The following WDR17 variants were observed in gnomAD, a reference collection of about 807,000 sequenced individuals.
The protein encoded by WDR17 is WD repeat domain 17.
A neutral mutation model predicts 161.7 loss-of-function variants in WDR17; 143 were observed. The ratio of observed to expected loss-of-function variants is 0.88; its 90% CI spans 0.77 to 1.02. WDR17 has a LOEUF of 1.02. Ranked by LOEUF, WDR17 falls within the 50% of genes least tolerant of loss-of-function variation. The pLI is 0.00. For synonymous variants in WDR17, 517 were observed against 515.6 expected (o/e 1.00, Z -0.04); for missense variants, 1,469 against 1,520.9 (o/e 0.97, Z 0.57).
chr4:176,174,582 G>C, intron 25 of WDR17, 35 bp from the exon 26 acceptor site: 2 of 1,494,462 alleles, frequency 1.3e-6, no homozygotes, highest in Non-Finnish European at 1.8e-6. Flanking sequence ...GCCTCAAATT[G>C]TGGAATTTAT....
intron 4 of WDR17, among the ~76,000 whole-genome samples, chr4:176,121,519 G>A (rs189650879): frequency 1.3e-5 from 2 of 152,170 alleles, no homozygotes; most frequent in East Asian, 3.9e-4. Flanking sequence ...CATCAGGATT[G>A]TGACACTTTC....
intron 15 of WDR17, 59 bp from the exon 16 acceptor site, chr4:176,150,409 C>A: frequency 6.5e-7 from 1 of 1,543,774 alleles, no homozygotes; most frequent in Non-Finnish European, 8.7e-7. Context: ...TTTGAAGATG[C>A]AAAATATTAT....
At chr4:176,174,962 A>G (rs1751235865) in intron 26 of WDR17, among the ~76,000 whole-genome samples, 1 of 152,234 alleles carries the variant, frequency 6.6e-6, no homozygotes, top group Non-Finnish European at 1.5e-5. Context: ...GACACTTGAG[A>G]CAGGCTTTCT....
chr4:176,133,665 G>A (rs28620923), intron 7 of WDR17, among the ~76,000 whole-genome samples: 38,570 of 151,108 alleles, frequency 0.26, 5,076 homozygotes, highest in African/African-American at 0.3. Context: ...GAAATTTCTC[G>A]AAGTGTTACC....
intron 1 of WDR17, among the ~76,000 whole-genome samples, chr4:176,078,731 T>C (rs1734371961): frequency 6.6e-6 from 1 of 152,120 alleles, no homozygotes; most frequent in Non-Finnish European, 1.5e-5. Flanking sequence ...CATGGGCTTT[T>C]TGTCATTTTT....
chr4:176,085,905 T>C (rs1271844073), intron 1 of WDR17, among the ~76,000 whole-genome samples: 2 of 151,996 alleles, frequency 1.3e-5, no homozygotes, highest in African/African-American at 2.4e-5. Flanking sequence ...TCCTTTTCCT[T>C]TTCTACTAGA....
intron 2 of WDR17, among the ~76,000 whole-genome samples, chr4:176,115,492 A>G (rs977484803): frequency 6.6e-6 from 1 of 152,000 alleles, no homozygotes; most frequent in Non-Finnish European, 1.5e-5. Context: ...ATAAAAAGAT[A>G]TAGCTATGGA....
At position 176,149,971 on chromosome 4, in the gene WDR17, C is replaced by A; in HGVS notation, c.2047+15C>A. The A allele has an allele frequency of 6.2e-7, 1 of 1,610,974 alleles. No homozygotes were observed. The highest frequency in any genetic ancestry group is 8.5e-7 in the Non-Finnish European group (1 of 1,179,250). On this transcript the variant is annotated intron_variant, in intron 14 of 28. Transcript: ENST00000508596. ...TGGGAACACTGGTATGGAACATATACATGTATTAGAGTTTATTTCTAAATA... is the reference window on the plus strand; with the variant it reads ...TGGGAACACTGGTATGGAACATATAAATGTATTAGAGTTTATTTCTAAATA...
At position 176,125,407 on chromosome 4, in the gene WDR17, G is replaced by A. The variant is rs756226023; in HGVS notation, c.790+52G>A. On this transcript the variant is annotated intron_variant, in intron 5 of 28. Transcript: ENST00000508596. The stretch of plus-strand genomic sequence containing the variant: ...TTTAAATACGTGTATATATTCTTTC[G>A]TTGAATTTAGGAAATTGTCCTTTAT... 3.2e-5 allele frequency: 50 copies of A among 1,559,676 alleles called. No individual in the cohort carries two copies. The African/African-American group carries it at 5.1e-4, about 16-fold the overall frequency.
chr4:176,172,013 C>T (rs957141008), intron 23 of WDR17, among the ~76,000 whole-genome samples: 5 of 152,016 alleles, frequency 3.3e-5, no homozygotes, highest in African/African-American at 4.8e-5. Flanking sequence ...GTCGTTTTTG[C>T]GCCGTTATGG....
intron 28 of WDR17, 30 bp downstream of exon 28, chr4:176,177,684 T>G: frequency 6.5e-7 from 1 of 1,538,390 alleles, no homozygotes; most frequent in South Asian, 1.3e-5. Context: ...ATAACATGTG[T>G]ATTTCACCAT....
At chr4:176,072,897 C>CT (rs1282268002) in intron 1 of WDR17, among the ~76,000 whole-genome samples, 2 of 152,004 alleles carry the variant, frequency 1.3e-5, no homozygotes, top group African/African-American at 4.8e-5. Flanking sequence ...AAACGCTGAC[C>CT]TTTTAATAGA....
intron 11 of WDR17, 90 bp from the exon 12 acceptor site, chr4:176,145,905 A>G: frequency 8.2e-7 from 1 of 1,222,724 alleles, no homozygotes; most frequent in Non-Finnish European, 1.1e-6. Context: ...CAAAAATTCT[A>G]CTTTTAGAAA....
At chr4:176,089,260 C>A (rs1275516234) in intron 1 of WDR17, among the ~76,000 whole-genome samples, 2 of 152,054 alleles carry the variant, frequency 1.3e-5, no homozygotes, top group African/African-American at 4.8e-5. Flanking sequence ...AGTTTCTGTT[C>A]CCCCTCCCCA....
intron 4 of WDR17, among the ~76,000 whole-genome samples, chr4:176,123,649 G>C (rs1278160030): frequency 6.6e-6 from 1 of 152,196 alleles, no homozygotes; most frequent in Non-Finnish European, 1.5e-5. Flanking sequence ...TATGGGAAAG[G>C]ACATGGGGCT....
chr4:176,152,889 C>G (rs1231160354), intron 17 of WDR17, among the ~76,000 whole-genome samples: 1 of 151,274 alleles, frequency 6.6e-6, no homozygotes, highest in Non-Finnish European at 1.5e-5. Context: ...GAGCCGAGAT[C>G]GCACCATTGC....
chr4:176,149,692 T>A (rs1349828194), intron 13 of WDR17, 115 bp from the exon 14 acceptor site: 1 of 1,269,274 alleles, frequency 7.9e-7, no homozygotes, highest in Non-Finnish European at 1.1e-6. Flanking sequence ...AACCTTTCAG[T>A]TACTCACAAT....
Position 176,151,864 on chromosome 4 carries a change from T to C in WDR17, c.2357T>C (p.Ile786Thr), listed in dbSNP as rs772036702. Reference protein sequence around the residue: ...TVKMSKFGGGIGVPAKEERLK... With the variant: ...TVKMSKFGGGTGVPAKEERLK... ...AAGATGTCTAAATTTGGTGGTGGTA[T>C]TGGTGTACCTGCTAAAGAGGAAAGA... Residue 786 changes from isoleucine to threonine, a missense_variant, in exon 17 of 29, where the codon ATT becomes ACT. Ile to Thr is a moderately conservative substitution (Grantham distance 89, BLOSUM62 -1). Coordinates refer to ENST00000508596, the MANE Select transcript of WDR17 (RefSeq NM_181265.4). 2.5e-6 allele frequency: 4 copies of C among 1,611,964 alleles called. No individual in the cohort carries two copies. The highest frequency in any genetic ancestry group is 2.7e-5 in the African/African-American group (2 of 74,922).
intron 26 of WDR17, among the ~76,000 whole-genome samples, chr4:176,175,440 T>G (rs979158530): frequency 4.6e-5 from 7 of 152,238 alleles, no homozygotes. Context: ...TCACGGTGCC[T>G]TCCATAAAAA....
Sources: gnomAD v4.1 joint callset for allele counts (sites outside exome capture counted in the v4.1 genomes callset) on GRCh38, gnomAD v4.1.1 for gene constraint, MANE v1.5 for transcripts, NCBI Gene and HGNC (gene_info 2026-07-23, HGNC 2026-07-21) for gene names.